LANCL2: variants seen among roughly 807,000 people sequenced by gnomAD.
The protein encoded by LANCL2 is LanC like glutathione S-transferase 2, also known as lanC-like protein 2.
In LANCL2, 33 loss-of-function variants were observed where a neutral mutation model predicts 56.9. The ratio of observed to expected loss-of-function variants is 0.58; its 90% CI spans 0.44 to 0.78. The LOEUF is 0.78. Ranked by LOEUF, LANCL2 falls within the 30% of genes least tolerant of loss-of-function variation. LANCL2 has a pLI of 0.00. For synonymous variants in LANCL2, 233 were observed against 228.2 expected, an observed-to-expected ratio of 1.02 and a Z score of -0.19; for missense variants, 562 against 580.2, an observed-to-expected ratio of 0.97 and a Z score of 0.32.
intron 1 of LANCL2, among the ~76,000 whole-genome samples, chr7:55,372,785 C>G (rs1429884132): frequency 6.6e-6 from 1 of 152,028 alleles, no homozygotes; most frequent in Non-Finnish European, 1.5e-5. Flanking sequence ...TTTTTTTGCT[C>G]TTTAAAGAAA....
At chr7:55,404,690 TGCA>T (rs1441914228) in intron 5 of LANCL2, among the ~76,000 whole-genome samples, 1 of 152,088 alleles carries the variant, frequency 6.6e-6, no homozygotes, top group Admixed American at 6.6e-5. Flanking sequence ...CTCAGCCCAC[TGCA>T]ACCTCCGCCT....
Position 55,412,089 on chromosome 7 carries a change from G to C in LANCL2, c.1008G>C (p.Lys336Asn). The C allele has an allele frequency of 1.9e-6, 3 of 1,610,690 alleles. No individual in the cohort carries two copies. The highest frequency in any genetic ancestry group is 2.5e-6 in the Non-Finnish European group (3 of 1,177,426). The part of the protein sequence containing the change: ...GVIHMLMQAY[K>N]VFKEEKYLKE... ...TCCACATGCTCATGCAGGCGTACAAGGTCAGTGCTTCCGCCGTCACGGCCG... is the reference window on the plus strand; with the variant it reads ...TCCACATGCTCATGCAGGCGTACAACGTCAGTGCTTCCGCCGTCACGGCCG... The change falls in exon 6 of 9, where the codon AAG becomes AAC. Residue 336 changes from lysine to asparagine, a missense_variant and splice_region_variant. By Grantham distance (94) the Lys-to-Asn change is moderately conservative. This residue lies in a region of LANCL2 where 378 missense variants were observed against 468.4 expected (regional missense o/e 0.81). Coordinates refer to ENST00000254770, the MANE Select transcript of LANCL2 (RefSeq NM_018697.4).
In LANCL2 at chr7:55,368,947, C is replaced by T. The variant is rs1789906528; in HGVS notation, c.204+2718C>T. Reference sequence around the variant, plus strand: ...ATCACTTGAGGGCAGGAGTTCAAGACTAGCCTGGGCAACATAGTGAGACCC... The same window carrying T: ...ATCACTTGAGGGCAGGAGTTCAAGATTAGCCTGGGCAACATAGTGAGACCC... On this transcript the variant is annotated intron_variant, in intron 1 of 8. Coordinates refer to ENST00000254770, the MANE Select transcript of LANCL2 (RefSeq NM_018697.4). 2.0e-5 allele frequency among the ~76,000 whole-genome samples: 3 copies of T among 152,132 alleles called. No individual in the cohort carries two copies. The South Asian group carries it at 6.2e-4, about 32-fold the overall frequency.
intron 6 of LANCL2, among the ~76,000 whole-genome samples, chr7:55,424,477 C>A (rs1284138877): frequency 2.0e-5 from 3 of 152,176 alleles, no homozygotes; most frequent in African/African-American, 7.2e-5. Context: ...TACTCTTGCC[C>A]TGCTAACAGG....
chr7:55,423,871 C>T (rs1266205045), intron 6 of LANCL2, among the ~76,000 whole-genome samples: 4 of 152,200 alleles, frequency 2.6e-5, no homozygotes, highest in South Asian at 2.1e-4. Flanking sequence ...GGGTGTCCTG[C>T]GTCTGATTCC....
At chr7:55,423,587 C>T (rs149304356) in intron 6 of LANCL2, among the ~76,000 whole-genome samples, 12 of 152,284 alleles carry the variant, frequency 7.9e-5, no homozygotes, top group African/African-American at 2.9e-4. Flanking sequence ...GGCACAATAC[C>T]GTAGAAAGAG....
At chr7:55,379,737 C>G (rs1790044378) in intron 1 of LANCL2, 1 of 152,658 alleles carries the variant, frequency 6.6e-6, no homozygotes, top group Non-Finnish European at 1.5e-5. Context: ...CAGACAGTTA[C>G]TCTTTTTGGT....
intron 6 of LANCL2, among the ~76,000 whole-genome samples, chr7:55,424,609 A>T (rs1020335269): frequency 2.0e-5 from 3 of 152,248 alleles, no homozygotes; most frequent in South Asian, 4.1e-4. Flanking sequence ...TAATTTTAAA[A>T]ACTAAATTTT....
intron 1 of LANCL2, 131 bp downstream of exon 1, chr7:55,366,360 C>T (rs1789868975): frequency 6.7e-6 from 5 of 742,622 alleles, no homozygotes; most frequent in Non-Finnish European, 1.0e-5. Flanking sequence ...CGCCTAGCAC[C>T]TGTCTCCGGG....
chr7:55,427,311 A>G (rs1790674484), intron 7 of LANCL2, among the ~76,000 whole-genome samples: 1 of 152,206 alleles, frequency 6.6e-6, no homozygotes, highest in Non-Finnish European at 1.5e-5. Flanking sequence ...ATCAGCTAGC[A>G]CTGGATACTG....
rs551791036 is a variant in LANCL2, at chr7:55,430,122, T to C, written c.1259-1104T>C. On this transcript the variant is annotated intron_variant, in intron 8 of 8. Coordinates refer to ENST00000254770, the MANE Select transcript of LANCL2 (RefSeq NM_018697.4). ...CTGCTGTAGGGCCTCCTAGGCTTGT[T>C]ATGGGTCCCTGTTTACTTCTCATGG... 2.1e-4 allele frequency among the ~76,000 whole-genome samples: 32 copies of C among 152,358 alleles called. 1 individual carries two copies. In the South Asian group the frequency reaches 6.6e-3, roughly 32 times the overall value.
At position 55,365,985 on chromosome 7, in the gene LANCL2, C is replaced by T; in HGVS notation, c.-41C>T. ...GGCGGGGCGAGCTGCAGCGCCGGGA[C>T]AGGAGGTTTGTCCCCGCCCGCGCGC... On this transcript the variant is annotated 5_prime_UTR_variant, in exon 1 of 9. Transcript: ENST00000254770. 5 of 1,372,198 alleles carry T rather than the reference C, an allele frequency of 3.6e-6. No homozygotes were observed. The highest frequency in any genetic ancestry group is 1.6e-5 in the South Asian group (1 of 62,984). The allele number at this position is 1,372,198 out of a possible 1,614,324, so 85.0% of individuals were successfully genotyped here.
Position 55,388,900 on chromosome 7 carries a change from G to A in LANCL2, c.205-2893G>A, listed in dbSNP as rs1050285560. Reference sequence around the variant, plus strand: ...GGCTTTTCCCGTTTATCTCATTGAGGGCCGTTTGCCTTTGAGTGGCCTGAC... The same window carrying A: ...GGCTTTTCCCGTTTATCTCATTGAGAGCCGTTTGCCTTTGAGTGGCCTGAC... On this transcript the variant is annotated intron_variant, in intron 1 of 8. Transcript: ENST00000254770. 1.3e-4 allele frequency among the ~76,000 whole-genome samples: 20 copies of A among 152,262 alleles called. No individual in the cohort carries two copies. In the East Asian group the frequency reaches 3.7e-3, roughly 28 times the overall value.
chr7:55,370,802 G>C (rs991531918), intron 1 of LANCL2, among the ~76,000 whole-genome samples: 1 of 152,160 alleles, frequency 6.6e-6, no homozygotes, highest in African/African-American at 2.4e-5. Context: ...CTGGAGAAGA[G>C]GGAGCGTGAA....
At chr7:55,390,236 A>G (rs113538020) in intron 1 of LANCL2, among the ~76,000 whole-genome samples, 133 of 147,210 alleles carry the variant, frequency 9.0e-4, no homozygotes, top group East Asian at 2.0e-3. Context: ...AAAGAGAGAG[A>G]GAGTTAAAGG....
At position 55,402,893 on chromosome 7, in the gene LANCL2, G is replaced by T. The variant is rs1196313190; in HGVS notation, c.825+1573G>T. Among the ~76,000 whole-genome samples the T allele has an allele frequency of 5.9e-5, 9 of 151,460 alleles. No individual in the cohort carries two copies. The East Asian group carries it at 1.4e-3, about 23-fold the overall frequency. ...ATCTCAGACGATGGGCGGCCTGGCA[G>T]AGACGCTCCTCACTTCCTAGATGGG... On this transcript the variant is annotated intron_variant, in intron 5 of 8. Transcript: ENST00000254770.
chr7:55,395,442 A>G (rs1390078405), intron 2 of LANCL2, among the ~76,000 whole-genome samples: 2 of 152,308 alleles, frequency 1.3e-5, no homozygotes, highest in African/African-American at 4.8e-5. Flanking sequence ...CTAAGAAAAG[A>G]AATTTAAAGA....
chr7:55,414,326 C>T (rs1790503243), intron 6 of LANCL2, among the ~76,000 whole-genome samples: 1 of 152,138 alleles, frequency 6.6e-6, no homozygotes, highest in Non-Finnish European at 1.5e-5. Context: ...ACACTGTTTT[C>T]TCTCAAGTTA....
chr7:55,415,762 C>T (rs550483800), intron 6 of LANCL2, among the ~76,000 whole-genome samples: 128 of 151,878 alleles, frequency 8.4e-4, no homozygotes, highest in Non-Finnish European at 1.4e-3. Flanking sequence ...TACAGGCACA[C>T]GTCACCATGC....
Sources: allele counts gnomAD v4.1 joint callset (sites outside exome capture counted in the v4.1 genomes callset), GRCh38; gene constraint gnomAD v4.1.1; regional missense constraint gnomAD v4.1.1; transcripts MANE v1.5; gene names NCBI Gene and HGNC (gene_info 2026-07-23, HGNC 2026-07-21).